EXOC2: variants seen among roughly 807,000 people sequenced by gnomAD.
The protein encoded by EXOC2 is exocyst complex component 2, also known as SEC5-like 1.
A neutral mutation model predicts 131.8 loss-of-function variants in EXOC2; 70 were observed. The ratio of observed to expected loss-of-function variants is 0.53; its 90% confidence interval spans 0.44 to 0.65. EXOC2 has a LOEUF of 0.65. Ranked by LOEUF, EXOC2 falls within the 30% of genes least tolerant of loss-of-function variation. The pLI is 0.00. For missense variants in EXOC2, 923 were observed against 1,108.6 expected, an observed-to-expected ratio of 0.83 and a Z score of 2.38; for synonymous variants, 411 against 398.4, an observed-to-expected ratio of 1.03 and a Z score of -0.38.
chr6:555,134 G>T (rs986290985), intron 20 of EXOC2, 93 bp downstream of exon 20: 5 of 586,930 alleles, frequency 8.5e-6, no homozygotes, highest in Non-Finnish European at 1.4e-5. Context: ...TTTCTTACTA[G>T]AAGTCTTAGG....
intron 1 of EXOC2, among the ~76,000 whole-genome samples, chr6:645,624 C>T (rs1762546387): frequency 6.6e-6 from 1 of 151,830 alleles, no homozygotes; most frequent in Non-Finnish European, 1.5e-5. Context: ...TGAGGAGACT[C>T]TTCATAAAGG....
chr6:592,476 A>G lies in EXOC2; in HGVS notation c.1185T>C (p.Asp395=). The change falls in exon 11 of 28, where the codon GAT becomes GAC. Residue 395 remains aspartate (D), a synonymous_variant. Coordinates refer to ENST00000230449, the MANE Select transcript of EXOC2 (RefSeq NM_018303.6). ...TGGAAGAGAAATCCTTGCCTTTCAGATCTTTCACGTAGCCCTCTTTGCAAC... is the reference window on the plus strand; with the variant it reads ...TGGAAGAGAAATCCTTGCCTTTCAGGTCTTTCACGTAGCCCTCTTTGCAAC... ...MHSCKEGYVK[D]LKGNPGLHSP... 1 of 1,613,184 alleles carries G rather than the reference A, an allele frequency of 6.2e-7. No homozygotes were observed. Among genetic ancestry groups the G allele is most frequent in the African/African-American group, 1.3e-5 (1 of 75,022 alleles).
At chr6:644,512 G>T (rs1208508980) in intron 1 of EXOC2, among the ~76,000 whole-genome samples, 1 of 151,978 alleles carries the variant, frequency 6.6e-6, no homozygotes, top group East Asian at 1.9e-4. Context: ...GTGCAATAGG[G>T]CGAATTAAAG....
intron 4 of EXOC2, among the ~76,000 whole-genome samples, chr6:625,994 A>G (rs1761546362): frequency 6.6e-6 from 1 of 152,214 alleles, no homozygotes. Context: ...CAAGAAACAA[A>G]GCCTAGCAAA....
At chr6:593,710 G>C (rs972004305) in intron 10 of EXOC2, among the ~76,000 whole-genome samples, 7 of 152,122 alleles carry the variant, frequency 4.6e-5, no homozygotes, top group Non-Finnish European at 1.0e-4. Context: ...GCCATTCTTT[G>C]TCTCTGGGTT....
intron 25 of EXOC2, among the ~76,000 whole-genome samples, chr6:494,942 G>C (rs911493759): frequency 1.3e-5 from 2 of 152,106 alleles, no homozygotes; most frequent in Admixed American, 6.5e-5. Flanking sequence ...GCAGTAGCAC[G>C]ATCACAGTTC....
At chr6:597,492 A>G (rs773658926) in intron 10 of EXOC2, among the ~76,000 whole-genome samples, 7 of 152,142 alleles carry the variant, frequency 4.6e-5, no homozygotes, top group Non-Finnish European at 7.4e-5. Context: ...ATATTACTGC[A>G]ATTTTTTAAA....
intron 11 of EXOC2, among the ~76,000 whole-genome samples, chr6:586,261 G>A (rs890633188): frequency 6.6e-6 from 1 of 152,144 alleles, no homozygotes; most frequent in Non-Finnish European, 1.5e-5. Flanking sequence ...GGCATCCGCT[G>A]CAGGCTGCCG....
intron 11 of EXOC2, among the ~76,000 whole-genome samples, chr6:589,300 T>G (rs1199445213): frequency 1.3e-5 from 2 of 152,080 alleles, no homozygotes; most frequent in East Asian, 3.9e-4. Context: ...CGCGTCTCAA[T>G]GCCGATCCAG....
intron 4 of EXOC2, 74 bp from the exon 5 acceptor site, chr6:619,617 C>T (rs1043516982): frequency 4.4e-6 from 4 of 913,670 alleles, no homozygotes; most frequent in Admixed American, 1.9e-5. Context: ...CACTAAGTAT[C>T]CAGTATAACA....
chr6:549,105 G>C, intron 22 of EXOC2, 70 bp downstream of exon 22: 2 of 1,292,642 alleles, frequency 1.5e-6, no homozygotes, highest in Non-Finnish European at 2.2e-6. Context: ...GCAGAACACA[G>C]GCTAGGAAAC....
At chr6:621,634 G>A (rs1211693093) in intron 4 of EXOC2, among the ~76,000 whole-genome samples, 1 of 151,084 alleles carries the variant, frequency 6.6e-6, no homozygotes, top group Non-Finnish European at 1.5e-5. Context: ...ATTTTGGGAG[G>A]TGGCACCACT....
chr6:649,365 C>T (rs1225505740), intron 1 of EXOC2, among the ~76,000 whole-genome samples: 3 of 152,092 alleles, frequency 2.0e-5, no homozygotes, highest in South Asian at 2.1e-4. Context: ...AAATAATAAA[C>T]GTTGGGGGAA....
intron 24 of EXOC2, among the ~76,000 whole-genome samples, chr6:497,829 A>T (rs1448554928): frequency 6.6e-6 from 1 of 152,216 alleles, no homozygotes; most frequent in African/African-American, 2.4e-5. Flanking sequence ...GAGAAATAAG[A>T]ACATACTGGG....
At chr6:495,503 A>C (rs1406524828) in intron 25 of EXOC2, among the ~76,000 whole-genome samples, 1 of 152,178 alleles carries the variant, frequency 6.6e-6, no homozygotes, top group Non-Finnish European at 1.5e-5. Context: ...TTTATACAAC[A>C]TATACGAAAC....
In EXOC2 at chr6:486,365, C is replaced by G; in HGVS notation, c.*306G>C. 4.0e-6 allele frequency: 1 copy of G among 252,628 alleles called. No individual in the cohort carries two copies. Among genetic ancestry groups the G allele is most frequent in the Non-Finnish European group, 7.5e-6 (1 of 132,662 alleles). The allele number at this position is 252,628 out of a possible 1,614,324, so 15.6% of individuals were successfully genotyped here. ...ATATGTGCCACGCCATTCCAGAAAA[C>G]TCCCTGCAGAAGCAGCTCTTCCTGC... On this transcript the variant is annotated 3_prime_UTR_variant, in exon 28 of 28. Transcript: ENST00000230449.
chr6:589,684 C>T (rs1171467552), intron 11 of EXOC2, among the ~76,000 whole-genome samples: 2 of 152,250 alleles, frequency 1.3e-5, no homozygotes, highest in African/African-American at 2.4e-5. Flanking sequence ...GCAGCCAGCA[C>T]CCTGGTGACC....
chr6:572,516 A>C lies in EXOC2; in HGVS notation c.1443+4T>G. 6.2e-7 allele frequency: 1 copy of C among 1,613,272 alleles called. No homozygotes were observed. On this transcript the variant is annotated splice_donor_region_variant and intron_variant, in intron 13 of 27. Coordinates refer to ENST00000230449, the MANE Select transcript of EXOC2 (RefSeq NM_018303.6). The stretch of plus-strand genomic sequence containing the variant: ...TCCACCTCTAGCCGAGTCCGTATAC[A>C]CACCTCACTGAAGAGGCTTCCATTA...
intron 11 of EXOC2, among the ~76,000 whole-genome samples, chr6:588,605 G>A (rs1036037172): frequency 3.3e-5 from 5 of 152,184 alleles, no homozygotes; most frequent in Non-Finnish European, 5.9e-5. Context: ...CGCCCGCCTC[G>A]GCCTCCCAAA....
Sources: gnomAD v4.1 joint callset for allele counts (sites outside exome capture counted in the v4.1 genomes callset) on GRCh38, gnomAD v4.1.1 for gene constraint, MANE v1.5 for transcripts, NCBI Gene and HGNC (gene_info 2026-07-23, HGNC 2026-07-21) for gene names.